Variants in FASN observed in about 807,000 individuals in gnomAD.
The protein encoded by FASN is 3-hydroxyacyl-[acyl-carrier-protein] dehydratase.
A neutral mutation model predicts 250.0 loss-of-function variants in FASN; 50 were observed. That is an observed-to-expected ratio of 0.20 (90% CI 0.16 to 0.25). The LOEUF is 0.25. Ranked by LOEUF, FASN falls within the 10% of genes least tolerant of loss-of-function variation. The probability of loss-of-function intolerance (pLI) is 1.00; values close to 1 mark genes in which losing one functional copy is unlikely to be tolerated. For missense variants in FASN, 3,031 were observed against 3,498.5 expected, an observed-to-expected ratio of 0.87 and a Z score of 3.37; for synonymous variants, 1,909 against 1,584.0, an observed-to-expected ratio of 1.21 and a Z score of -4.87.
chr17:82,080,968 C>T, intron 38 of FASN, 46 bp from the exon 39 acceptor site: 1 of 1,522,552 alleles, frequency 6.6e-7, no homozygotes, highest in Non-Finnish European at 8.9e-7. Context: ...GTGCAGAGCC[C>T]TGGCACCCAC....
Position 82,095,363 on chromosome 17 carries a change from C to T in FASN, c.237G>A (p.Leu79=), listed in dbSNP as rs1422461750. ...PKQAHTMDPQ[L]RLLLEVTYEA... Reference sequence around the variant, plus strand: ...CATAGGTGACTTCCAGCAGCAGCCGCAGCTGAGGGTCCATCGTGTGTGCCT... The same window carrying T: ...CATAGGTGACTTCCAGCAGCAGCCGTAGCTGAGGGTCCATCGTGTGTGCCT... Residue 79 remains leucine, a synonymous_variant, in exon 3 of 43, where the codon CTG becomes CTA. Coordinates refer to ENST00000306749, the MANE Select transcript of FASN (RefSeq NM_004104.5). 1 of 1,612,872 alleles carries T rather than the reference C, an allele frequency of 6.2e-7. No homozygotes were observed. The highest frequency in any genetic ancestry group is 1.7e-5 in the Admixed American group (1 of 60,010).
Position 82,083,074 on chromosome 17 carries a change from T to C in FASN, c.5607A>G (p.Lys1869=). The change falls in exon 33 of 43, where the codon AAA becomes AAG. Residue 1869 remains lysine (K), a synonymous_variant. Transcript: ENST00000306749. ...TGGAGATGGCCGACATCAGCTTGGG[T>C]TTGGCCCCCTTCAGCACTGCCTCCG... ...EEPEAVLKGA[K]PKLMSAISKT... 2 of 1,611,804 alleles carry C rather than the reference T, an allele frequency of 1.2e-6. No homozygotes were observed. The highest frequency in any genetic ancestry group is 1.7e-6 in the Non-Finnish European group (2 of 1,179,946).
In FASN at chr17:82,091,669, C is replaced by T. The variant is rs1598582490; in HGVS notation, c.1045G>A (p.Glu349Lys). ...AGGTTGGGGGCCCAGAGCCCGTGCT[C>T]CAGGGACAGCAGCACCTGCGGGGGT... is the stretch of plus-strand genomic sequence containing the variant. ...AALAKVLLSLEHGLWAPNLHF... is the reference protein window; with the variant it reads ...AALAKVLLSLKHGLWAPNLHF... The change falls in exon 9 of 43, where the codon GAG (glutamate) becomes AAG (lysine). Residue 349 changes from glutamate (E) to lysine (K), a missense_variant. Glu to Lys is a moderately conservative substitution (Grantham distance 56). Transcript: ENST00000306749. The T allele has an allele frequency of 6.3e-7, 1 of 1,586,344 alleles. No homozygotes were observed. The highest frequency in any genetic ancestry group is 1.3e-5 in the African/African-American group (1 of 74,780).
At chr17:82,079,685 T>G (rs1431912844) in intron 41 of FASN, 77 bp from the exon 42 acceptor site, 26 of 703,306 alleles carry the variant, frequency 3.7e-5, no homozygotes, top group Non-Finnish European at 5.0e-5. Context: ...GCGGGTGGGC[T>G]TTTTTTTTTT....
At position 82,085,121 on chromosome 17, in the gene FASN, C is replaced by T. The variant is rs2144789390; in HGVS notation, c.4323G>A (p.Val1441=). Residue 1441 remains valine (V), a synonymous_variant, in exon 25 of 43, where the codon GTG becomes GTA. Coordinates refer to ENST00000306749, the MANE Select transcript of FASN (RefSeq NM_004104.5). ...ILADEDSSRP[V]WLKAINCATS... Reference sequence around the variant, plus strand: ...TGGCACAGTTGATGGCCTTCAGCCACACAGGCCGGGAAGAGTCTTCGTCAG... The same window carrying T: ...TGGCACAGTTGATGGCCTTCAGCCATACAGGCCGGGAAGAGTCTTCGTCAG... 1.2e-6 allele frequency: 2 copies of T among 1,612,624 alleles called. No homozygotes were observed. Among genetic ancestry groups the T allele is most frequent in the Non-Finnish European group, 1.7e-6 (2 of 1,179,926 alleles).
chr17:82,083,501 G>C lies in FASN; in HGVS notation c.5341+16C>G. 1 of 1,612,784 alleles carries C rather than the reference G, an allele frequency of 6.2e-7. No homozygotes were observed. Among genetic ancestry groups the C allele is most frequent in the Non-Finnish European group, 8.5e-7 (1 of 1,179,982 alleles). On this transcript the variant is annotated intron_variant, in intron 31 of 42. Transcript: ENST00000306749. ...CCCATCCATGCCCACCCCCGCCCAGGCGCTGCCGGCCTCACCGAGCGGGTG... is the reference window on the plus strand; with the variant it reads ...CCCATCCATGCCCACCCCCGCCCAGCCGCTGCCGGCCTCACCGAGCGGGTG...
Position 82,081,773 on chromosome 17 carries a change from C to T in FASN, c.6234G>A (p.Thr2078=), listed in dbSNP as rs372694509. 9.6e-5 allele frequency: 155 copies of T among 1,612,470 alleles called. No individual in the cohort carries two copies. The highest frequency in any genetic ancestry group is 1.3e-4 in the Non-Finnish European group (150 of 1,179,998). ...ILVETMSTND[T]IVSGTLPQRM... ...GCTGGGGCAGCGTGCCACTGACGAT[C>T]GTGTCGTTGGTGCTCATCGTCTCCA... The change falls in exon 37 of 43, where the codon ACG becomes ACA. Residue 2078 remains threonine, a synonymous_variant. Transcript: ENST00000306749.
At chr17:82,089,983 G>A (rs572404865) in intron 11 of FASN, among the ~76,000 whole-genome samples, 1 of 152,340 alleles carries the variant, frequency 6.6e-6, no homozygotes, top group Non-Finnish European at 1.5e-5. Context: ...CTGCAGCCAA[G>A]GTTCTTTCCA....
rs147337778 is a variant in FASN at position 82,083,208 on chromosome 17, G to A, written c.5559C>T (p.Val1853=). The change falls in exon 32 of 43, where the codon GTC becomes GTT. Residue 1853 remains valine, a synonymous_variant. Coordinates refer to ENST00000306749, the MANE Select transcript of FASN (RefSeq NM_004104.5). The part of the protein sequence containing the change: ...MAQGKHIGKV[V]VQVLAEEPEA... Reference sequence around the variant, plus strand: ...CCGGGACTCCTCCCCTCACCTGCACGACGACTTTGCCAATGTGCTTCCCTT... The same window carrying A: ...CCGGGACTCCTCCCCTCACCTGCACAACGACTTTGCCAATGTGCTTCCCTT... The A allele has an allele frequency of 2.0e-5, 32 of 1,612,456 alleles. No individual in the cohort carries two copies. The highest frequency in any genetic ancestry group is 1.7e-4 in the African/African-American group (13 of 74,924).
At chr17:82,096,557 C>G in intron 1 of FASN, 105 bp from the exon 2 acceptor site, 8 of 1,552,858 alleles carry the variant, frequency 5.2e-6, no homozygotes, top group Non-Finnish European at 6.1e-6. Context: ...CAAGCACCAC[C>G]CTGAGGGTCC....
intron 37 of FASN, 58 bp from the exon 38 acceptor site, chr17:82,081,410 C>T (rs550481906): frequency 1.0e-4 from 159 of 1,560,466 alleles, no homozygotes; most frequent in Non-Finnish European, 1.3e-4. Context: ...GGCCTGTATG[C>T]GGCAGGGCTG....
chr17:82,082,472 G>C (rs887094929), intron 34 of FASN, 55 bp downstream of exon 34: 8 of 1,611,482 alleles, frequency 5.0e-6, no homozygotes, highest in African/African-American at 1.3e-5. Context: ...GTCCACCCAG[G>C]GTCCCCCCCT....
Position 82,093,349 on chromosome 17 carries a change from G to A in FASN, c.525C>T (p.Ile175=). ...LMALQNAYQA[I]HSGQCPAAIV... is the part of the protein sequence containing the mutation. Reference sequence around the variant, plus strand: ...TGGCGGCAGGGCACTGCCCGCTGTGGATGGCCTGGTAGGCGTTCTGCAGGG... The same window carrying A: ...TGGCGGCAGGGCACTGCCCGCTGTGAATGGCCTGGTAGGCGTTCTGCAGGG... The change falls in exon 5 of 43, where the codon ATC becomes ATT. Residue 175 remains isoleucine (I), a synonymous_variant. Coordinates refer to ENST00000306749, the MANE Select transcript of FASN (RefSeq NM_004104.5). 6.2e-7 allele frequency: 1 copy of A among 1,603,698 alleles called. No homozygotes were observed. The highest frequency in any genetic ancestry group is 8.5e-7 in the Non-Finnish European group (1 of 1,176,742).
chr17:82,090,684 G>T, intron 10 of FASN, 120 bp from the exon 11 acceptor site: 1 of 1,109,944 alleles, frequency 9.0e-7, no homozygotes, highest in Non-Finnish European at 1.3e-6. Flanking sequence ...CAGGTCTCCT[G>T]ATAGGAAAGA....
intron 1 of FASN, 36 bp downstream of exon 1, chr17:82,098,085 G>T (rs1216614087): frequency 1.2e-5 from 4 of 330,156 alleles, no homozygotes; most frequent in South Asian, 2.9e-4. Flanking sequence ...CCCCGACCAC[G>T]ACCCGCGCCC....
At chr17:82,089,491 C>A in intron 12 of FASN, 107 bp from the exon 13 acceptor site, 3 of 1,593,748 alleles carry the variant, frequency 1.9e-6, no homozygotes, top group Non-Finnish European at 1.7e-6. Context: ...AGGGAATGGG[C>A]AAGGGACCTG....
In FASN at chr17:82,089,732, G is replaced by A. The variant is rs1392696688; in HGVS notation, c.1871-6C>T. On this transcript the variant is annotated splice_polypyrimidine_tract_variant and splice_region_variant and intron_variant, in intron 11 of 42. Coordinates refer to ENST00000306749, the MANE Select transcript of FASN (RefSeq NM_004104.5). Reference sequence around the variant, plus strand: ...ACACTCCTCCCAGGACAAGCCTATGGCAGAGCCAGCCTCAGAGGCTTAGCG... The same window carrying A: ...ACACTCCTCCCAGGACAAGCCTATGACAGAGCCAGCCTCAGAGGCTTAGCG... The A allele has an allele frequency of 1.8e-5, 28 of 1,582,696 alleles. No individual in the cohort carries two copies. Among genetic ancestry groups the A allele is most frequent in the Non-Finnish European group, 2.2e-5 (26 of 1,165,978 alleles).
At position 82,091,416 on chromosome 17, in the gene FASN, G is replaced by A. The variant is rs1447910140; in HGVS notation, c.1298C>T (p.Ala433Val). 3 of 1,609,332 alleles carry A rather than the reference G, an allele frequency of 1.9e-6. No homozygotes were observed. The highest frequency in any genetic ancestry group is 1.3e-5 in the African/African-American group (1 of 74,864). ...GCCCTGCTCCAGCAGCTTCTGCACG[G>A]CCTCAGGGGTGCGTCCGCTGGCCCG... ...LLRASGRTPE[A>V]VQKLLEQGLR... The change falls in exon 9 of 43, where the codon GCC becomes GTC. Residue 433 changes from alanine to valine, a missense_variant. By Grantham distance (64) the Ala-to-Val change is moderately conservative. Coordinates refer to ENST00000306749, the MANE Select transcript of FASN (RefSeq NM_004104.5).
rs2034015647 is a variant in FASN, at chr17:82,082,862, C to T, written c.5767+52G>A. The T allele has an allele frequency of 5.6e-6, 9 of 1,600,622 alleles. No individual in the cohort carries two copies. In the Admixed American group the frequency reaches 1.3e-4, roughly 24 times the overall value. ...TGGGCTGCAGAGAAGGGCTCAGGGG[C>T]CCGGGGCTGTGCCTGGCCCAGGCTG... On this transcript the variant is annotated intron_variant, in intron 33 of 42. Coordinates refer to ENST00000306749, the MANE Select transcript of FASN (RefSeq NM_004104.5).
Sources: allele counts gnomAD v4.1 joint callset (sites outside exome capture counted in the v4.1 genomes callset), GRCh38; gene constraint gnomAD v4.1.1; transcripts MANE v1.5; gene names NCBI Gene and HGNC (gene_info 2026-07-23, HGNC 2026-07-21).